The following MCPH1 variants were observed in gnomAD, a reference collection of about 807,000 sequenced individuals.
The protein encoded by MCPH1 is microcephalin 1.
Under a neutral mutation model 84.5 loss-of-function variants are expected in MCPH1, and 104 were observed. The observed-to-expected ratio is 1.23, with a 90% CI of 1.05 to 1.45. The LOEUF (loss-of-function observed/expected upper bound fraction) is 1.45, where lower values mean the gene tolerates loss of function less well. MCPH1 is among the 40% of genes most tolerant of loss of function. The pLI, the probability that MCPH1 is intolerant of heterozygous loss-of-function variation, is 0.00. For missense variants in MCPH1, 1,498 were observed against 1,005.7 expected, an observed-to-expected ratio of 1.49 and a Z score of -6.62; for synonymous variants, 514 against 366.8, an observed-to-expected ratio of 1.40 and a Z score of -4.58.
intron 13 of MCPH1, among the ~76,000 whole-genome samples, chr8:6,623,704 A>AAC (rs1202371790): frequency 8.0e-4 from 5 of 6,248 alleles, no homozygotes; most frequent in Non-Finnish European, 1.8e-3. Flanking sequence ...AAAAAAAAAA[A>AAC]AAAAAAAAAA....
At chr8:6,600,708 T>A (rs1438931495) in intron 12 of MCPH1, among the ~76,000 whole-genome samples, 1 of 152,234 alleles carries the variant, frequency 6.6e-6, no homozygotes. Flanking sequence ...GATTCTACTA[T>A]GAAACGAAAG....
chr8:6,451,921 T>C (rs1408162679), intron 8 of MCPH1, among the ~76,000 whole-genome samples: 1 of 152,228 alleles, frequency 6.6e-6, no homozygotes, highest in African/African-American at 2.4e-5. Context: ...TAAATACTAA[T>C]TGTTTAAATG....
In MCPH1 at chr8:6,471,489, A is replaced by G. The variant is rs150881323; in HGVS notation, c.1936-6105A>G. ...CAGATGTTTCCTTTCTGTTTATAAA[A>G]GCACAGTCGACTGAATTGTTAGGAG... On this transcript the variant is annotated intron_variant, in intron 9 of 13. Transcript: ENST00000344683. Among the ~76,000 whole-genome samples, 133 of 152,346 alleles carry G rather than the reference A, an allele frequency of 8.7e-4. 1 individual carries two copies. The highest frequency in any genetic ancestry group is 3.1e-3 in the African/African-American group (129 of 41,600).
At chr8:6,568,047 T>C (rs1221676367) in intron 12 of MCPH1, among the ~76,000 whole-genome samples, 5 of 152,238 alleles carry the variant, frequency 3.3e-5, no homozygotes, top group African/African-American at 4.8e-5. Flanking sequence ...TCTGTGGAAC[T>C]GTCTCAAGTT....
chr8:6,541,474 C>T (rs1821560192), intron 12 of MCPH1, among the ~76,000 whole-genome samples: 1 of 152,096 alleles, frequency 6.6e-6, no homozygotes, highest in Non-Finnish European at 1.5e-5. Context: ...GCAGGGCAGG[C>T]CTGGAGACAG....
At chr8:6,462,808 A>G (rs1340417733) in intron 9 of MCPH1, among the ~76,000 whole-genome samples, 1 of 152,242 alleles carries the variant, frequency 6.6e-6, no homozygotes, top group Non-Finnish European at 1.5e-5. Context: ...AGAGTTTAAG[A>G]TAGTACCTCA....
At chr8:6,481,527 G>A (rs1244988781) in intron 11 of MCPH1, among the ~76,000 whole-genome samples, 4 of 152,216 alleles carry the variant, frequency 2.6e-5, no homozygotes, top group South Asian at 2.1e-4. Context: ...CACTTGTTAC[G>A]TATGTTACCA....
intron 4 of MCPH1, 72 bp from the exon 5 acceptor site, chr8:6,435,976 A>T (rs1190801640): frequency 4.4e-6 from 7 of 1,575,824 alleles, no homozygotes; most frequent in Admixed American, 3.6e-5. Context: ...TCAGAAATGT[A>T]TGCGAAAGGG....
chr8:6,534,396 G>T (rs1820129860), intron 12 of MCPH1, among the ~76,000 whole-genome samples: 1 of 152,140 alleles, frequency 6.6e-6, no homozygotes, highest in Admixed American at 6.5e-5. Context: ...GAGCACCGTG[G>T]ATTTTGGTAT....
intron 9 of MCPH1, among the ~76,000 whole-genome samples, chr8:6,462,782 G>T (rs921273089): frequency 6.6e-6 from 1 of 152,178 alleles, no homozygotes; most frequent in South Asian, 2.1e-4. Context: ...CTAATTAATT[G>T]AGTTGAAACA....
Position 6,415,850 on chromosome 8 carries a change from A to C in MCPH1, c.233+967A>C, listed in dbSNP as rs185982091. ...TCAGTGTGTCAATTTATTCAAAAAC[A>C]AAAAAGGCAGCTGGGATTTGGTAGG... is the stretch of plus-strand genomic sequence containing the variant. On this transcript the variant is annotated intron_variant, in intron 3 of 13. Transcript: ENST00000344683. Among the ~76,000 whole-genome samples the C allele has an allele frequency of 2.2e-4, 33 of 152,262 alleles. No individual in the cohort carries two copies. The East Asian group carries it at 5.8e-3, about 27-fold the overall frequency.
intron 13 of MCPH1, among the ~76,000 whole-genome samples, chr8:6,635,715 C>A (rs888372858): frequency 5.3e-5 from 8 of 152,166 alleles, no homozygotes; most frequent in African/African-American, 9.7e-5. Context: ...CATTAAAAAG[C>A]CCCCCAGCAG....
intron 12 of MCPH1, among the ~76,000 whole-genome samples, chr8:6,592,614 C>CTTTTTTTTTTTTTTTTTTT (rs1252024553): frequency 1.4e-4 from 9 of 65,510 alleles, no homozygotes; most frequent in Admixed American, 3.7e-4. Flanking sequence ...GTTTTTCTTT[C>CTTTTTTTTTTTTTTTTTTT]TTTTTTTTGT....
chr8:6,416,680 G>GT (rs1175523288), intron 3 of MCPH1, among the ~76,000 whole-genome samples: 1 of 152,052 alleles, frequency 6.6e-6, no homozygotes, highest in Non-Finnish European at 1.5e-5. Flanking sequence ...TGTTGTATAC[G>GT]TTGTCATCTT....
At chr8:6,612,463 C>T (rs1048391818) in intron 12 of MCPH1, among the ~76,000 whole-genome samples, 3 of 152,198 alleles carry the variant, frequency 2.0e-5, no homozygotes, top group Non-Finnish European at 4.4e-5. Flanking sequence ...CCCCTTTCTC[C>T]ATTACCTCTG....
chr8:6,506,673 C>T lies in MCPH1; in HGVS notation c.2214+6744C>T, dbSNP rs75172481. 7.4e-3 allele frequency among the ~76,000 whole-genome samples: 1,115 copies of T among 151,628 alleles called. 11 individuals are homozygous for T. The highest frequency in any genetic ancestry group is 0.026 in the African/African-American group (1,055 of 41,306). On this transcript the variant is annotated intron_variant, in intron 12 of 13. Transcript: ENST00000344683. ...GGATGAAGGAAACAGGAAGCTTTTG[C>T]AAAATCAATAGGAGGGCTTTGCTCA... is the stretch of plus-strand genomic sequence containing the variant.
rs1807096554 is a variant in MCPH1 at position 6,467,255 on chromosome 8, A to G, written c.1936-10339A>G. 2.0e-5 allele frequency among the ~76,000 whole-genome samples: 3 copies of G among 152,250 alleles called. No individual in the cohort carries two copies. The South Asian group carries it at 6.2e-4, about 31-fold the overall frequency. On this transcript the variant is annotated intron_variant, in intron 9 of 13. Transcript: ENST00000344683. ...TGACTGTCAAACCAGTGACTGGAGC[A>G]GCTTGGTATGAAGCGCTTCTTATTC...
chr8:6,562,578 TAAAACCTGAGCTGCTGCCAAGCTGA>T, intron 12 of MCPH1: 1 of 880,188 alleles, frequency 1.1e-6, no homozygotes, highest in Non-Finnish European at 1.6e-6. Flanking sequence ...TTTTGGTTGT[TAAAACCTGAGCTGCTGCCAAGCTGA>T]TCTTAATAGC....
chr8:6,629,227 C>A (rs1796980561), intron 13 of MCPH1, among the ~76,000 whole-genome samples: 1 of 152,210 alleles, frequency 6.6e-6, no homozygotes, highest in African/African-American at 2.4e-5. Flanking sequence ...CTTTGGGAGG[C>A]CAGGGCCGGC....
Sources: gnomAD v4.1 joint callset for allele counts (sites outside exome capture counted in the v4.1 genomes callset) on GRCh38, gnomAD v4.1.1 for gene constraint, MANE v1.5 for transcripts, NCBI Gene and HGNC (gene_info 2026-07-23, HGNC 2026-07-21) for gene names.